The following ALK variants were observed in gnomAD, a reference collection of about 807,000 sequenced individuals.
ALK encodes the protein ALK tyrosine kinase receptor.
ALK carries 74 observed loss-of-function variants against 163.1 expected under a neutral mutation model. That is an observed-to-expected ratio of 0.45 (90% CI 0.38 to 0.55). ALK has a LOEUF of 0.55. Among genes scored for constraint, ALK ranks in the 20% least tolerant of loss-of-function variants. The pLI, the probability that ALK is intolerant of heterozygous loss-of-function variation, is 0.00. For synonymous variants in ALK, 960 were observed against 843.2 expected (o/e 1.14, Z -2.40); for missense variants, 2,063 against 2,105.3 (o/e 0.98, Z 0.39).
In ALK at chr2:29,567,338, C is replaced by T. The variant is rs149440429; in HGVS notation, c.953-35222G>A. Among the ~76,000 whole-genome samples the T allele has an allele frequency of 5.2e-3, 787 of 152,302 alleles. 12 individuals carry two copies. The highest frequency in any genetic ancestry group is 0.018 in the African/African-American group (728 of 41,566). On this transcript the variant is annotated intron_variant, in intron 3 of 28. Coordinates refer to ENST00000389048, the MANE Select transcript of ALK (RefSeq NM_004304.5). The stretch of plus-strand genomic sequence containing the variant: ...ATGACTAGGCCCCAGAAATACTGGC[C>T]TTTCCAAGAGCCAAGAAGCAGCTTC...
chr2:29,763,900 C>A (rs1680785028), intron 1 of ALK, among the ~76,000 whole-genome samples: 2 of 152,148 alleles, frequency 1.3e-5, no homozygotes, highest in Non-Finnish European at 2.9e-5. Flanking sequence ...AAGAAACAGC[C>A]TTCTTCAGGG....
chr2:29,710,499 C>CGTGTGTGTGTGTGTGTGT (rs55939983), intron 2 of ALK, among the ~76,000 whole-genome samples: 1 of 144,662 alleles, frequency 6.9e-6, no homozygotes, highest in Non-Finnish European at 1.5e-5. Context: ...AGTCTGTGTG[C>CGTGTGTGTGTGTGTGTGT]GTGTGTGTGT....
chr2:29,196,724 T>G, intron 28 of ALK, 46 bp downstream of exon 28: 1 of 1,406,928 alleles, frequency 7.1e-7, no homozygotes, highest in Non-Finnish European at 1.0e-6. Flanking sequence ...TCTTTAAGAC[T>G]GTTTCATATA....
chr2:29,582,377 G>GT (rs1674728759), intron 3 of ALK, among the ~76,000 whole-genome samples: 1 of 152,186 alleles, frequency 6.6e-6, no homozygotes, highest in Non-Finnish European at 1.5e-5. Flanking sequence ...CAGTATCTCA[G>GT]TAACAGGGCC....
chr2:29,755,860 A>G (rs1680507821), intron 1 of ALK, among the ~76,000 whole-genome samples: 1 of 152,130 alleles, frequency 6.6e-6, no homozygotes, highest in Admixed American at 6.5e-5. Context: ...CGCATCACCC[A>G]TCCATCCATC....
chr2:29,222,659 G>A lies in ALK; in HGVS notation c.3360-52C>T, dbSNP rs1225946710. The stretch of plus-strand genomic sequence containing the variant: ...ACAGAGTCAAACAGGCCACAATAAT[G>A]AGGCAGCTGGGGGTCCTGAGCCTGG... On this transcript the variant is annotated intron_variant, in intron 20 of 28. Transcript: ENST00000389048. 7.1e-6 allele frequency: 11 copies of A among 1,542,610 alleles called. No individual in the cohort carries two copies. In the African/African-American group the frequency reaches 1.4e-4, roughly 19 times the overall value.
intron 4 of ALK, among the ~76,000 whole-genome samples, chr2:29,525,750 C>T (rs1449427497): frequency 7.0e-6 from 1 of 142,836 alleles, no homozygotes; most frequent in African/African-American, 2.6e-5. Context: ...GAGATCACGC[C>T]ACTACACTCC....
rs200080181 is a variant in ALK at position 29,225,518 on chromosome 2, C to G, written c.3115G>C (p.Val1039Leu). ...PHLPLSLILS[V>L]VTSALVAALV... Reference sequence around the variant, plus strand: ...GCGGCCACGAGGGCAGAGGTCACCACAGAGAGGATCAGCGAGAGTGGCAGG... The same window carrying G: ...GCGGCCACGAGGGCAGAGGTCACCAGAGAGAGGATCAGCGAGAGTGGCAGG... Residue 1039 changes from valine to leucine, a missense_variant, in exon 19 of 29, where the codon GTG (valine) becomes CTG (leucine). Coordinates refer to ENST00000389048, the MANE Select transcript of ALK (RefSeq NM_004304.5). 2.5e-6 allele frequency: 4 copies of G among 1,613,536 alleles called. No homozygotes were observed. Among genetic ancestry groups the G allele is most frequent in the African/African-American group, 1.3e-5 (1 of 75,052 alleles).
At chr2:29,601,824 C>T (rs370177945) in intron 3 of ALK, among the ~76,000 whole-genome samples, 16 of 152,044 alleles carry the variant, frequency 1.1e-4, no homozygotes, top group African/African-American at 3.6e-4. Context: ...TCAGGATGCC[C>T]CTTACCAGAC....
At chr2:29,339,322 T>A (rs1667722036) in intron 5 of ALK, among the ~76,000 whole-genome samples, 1 of 151,236 alleles carries the variant, frequency 6.6e-6, no homozygotes, top group African/African-American at 2.4e-5. Context: ...GAATCAGCCA[T>A]GAAAAAGGCT....
At chr2:29,851,785 C>T (rs116428438) in intron 1 of ALK, among the ~76,000 whole-genome samples, 2,886 of 152,290 alleles carry the variant, frequency 0.019, 82 homozygotes, top group African/African-American at 0.067. Context: ...CCCATTTCTA[C>T]GACTCTGTTG....
chr2:29,909,285 T>C (rs543640278), intron 1 of ALK, among the ~76,000 whole-genome samples: 1 of 152,350 alleles, frequency 6.6e-6, no homozygotes, highest in South Asian at 2.1e-4. Context: ...CCTAGCACTG[T>C]TCTGATTTTT....
At chr2:29,823,800 C>T (rs991926929) in intron 1 of ALK, among the ~76,000 whole-genome samples, 1 of 152,162 alleles carries the variant, frequency 6.6e-6, no homozygotes, top group Admixed American at 6.5e-5. Context: ...TGCAGCCTGA[C>T]AATGTGATAG....
At chr2:29,382,618 A>T (rs79105886) in intron 5 of ALK, among the ~76,000 whole-genome samples, 65 of 152,204 alleles carry the variant, frequency 4.3e-4, no homozygotes, top group Non-Finnish European at 8.8e-4. Flanking sequence ...TGTATGGTAC[A>T]TAGATCCTTG....
chr2:29,832,672 T>C lies in ALK; in HGVS notation c.667+87321A>G, dbSNP rs541520753. On this transcript the variant is annotated intron_variant, in intron 1 of 28. Coordinates refer to ENST00000389048, the MANE Select transcript of ALK (RefSeq NM_004304.5). ...AGCACATTGGGCAAACCACGGACCA[T>C]TGTACCTGCTTCTGAATACTCATCC... Among the ~76,000 whole-genome samples, 70 of 152,336 alleles carry C rather than the reference T, an allele frequency of 4.6e-4. 1 individual carries two copies. Among genetic ancestry groups the C allele is most frequent in the African/African-American group, 1.6e-3 (68 of 41,578 alleles).
At chr2:29,380,858 T>C (rs1199824989) in intron 5 of ALK, among the ~76,000 whole-genome samples, 1 of 152,228 alleles carries the variant, frequency 6.6e-6, no homozygotes, top group Non-Finnish European at 1.5e-5. Flanking sequence ...CTGAGGATTA[T>C]AATTCAACAT....
At chr2:29,304,734 C>A (rs1402093693) in intron 8 of ALK, among the ~76,000 whole-genome samples, 3 of 152,160 alleles carry the variant, frequency 2.0e-5, no homozygotes, top group African/African-American at 2.4e-5. Context: ...AACTGTGTGA[C>A]CTTAAGCCAA....
intron 3 of ALK, among the ~76,000 whole-genome samples, chr2:29,679,431 T>C (rs1391191027): frequency 1.3e-5 from 2 of 151,794 alleles, no homozygotes; most frequent in African/African-American, 2.4e-5. Flanking sequence ...TTTTCCTTTG[T>C]TTCTTCCTTG....
chr2:29,227,544 G>A lies in ALK; in HGVS notation c.2914+30C>T, dbSNP rs373972539. On this transcript the variant is annotated intron_variant, in intron 17 of 28. Transcript: ENST00000389048. The surrounding 1 kb of genome is among the most constrained non-coding windows in gnomAD (Gnocchi z 4.4). ...TTGGTGGGAGGACTGACCTAAGCAA[G>A]TTTGTTCTGCTGCCTGGCAGAGAAG... The A allele has an allele frequency of 1.9e-6, 3 of 1,583,776 alleles. No individual in the cohort carries two copies. The highest frequency in any genetic ancestry group is 8.7e-7 in the Non-Finnish European group (1 of 1,152,296).
Sources: allele counts gnomAD v4.1 joint callset (sites outside exome capture counted in the v4.1 genomes callset), GRCh38; gene constraint gnomAD v4.1.1; non-coding constraint Gnocchi (gnomAD v3.1); transcripts MANE v1.5; gene names NCBI Gene and HGNC (gene_info 2026-07-23, HGNC 2026-07-21).